Variants in CPA6 observed in about 807,000 individuals in gnomAD.
The protein encoded by CPA6 is carboxypeptidase B.
In CPA6, 58 loss-of-function variants were observed where a neutral mutation model predicts 63.3. The ratio of observed to expected loss-of-function variants is 0.92; its 90% CI spans 0.74 to 1.14. The LOEUF is 1.14. Ranked by LOEUF, CPA6 falls within the 50% of genes most tolerant of loss-of-function variation. The pLI is 0.00. For missense variants in CPA6, 565 were observed against 526.6 expected, an observed-to-expected ratio of 1.07 and a Z score of -0.71; for synonymous variants, 185 against 179.0, an observed-to-expected ratio of 1.03 and a Z score of -0.27.
At chr8:67,698,293 T>C (rs550774956) in intron 1 of CPA6, among the ~76,000 whole-genome samples, 2 of 152,278 alleles carry the variant, frequency 1.3e-5, no homozygotes, top group South Asian at 4.1e-4. Flanking sequence ...CCAGAAATGA[T>C]GATTTCATAG....
intron 2 of CPA6, among the ~76,000 whole-genome samples, chr8:67,614,585 A>G (rs1814894767): frequency 6.6e-6 from 1 of 152,192 alleles, no homozygotes; most frequent in African/African-American, 2.4e-5. Context: ...AGTTACCTTT[A>G]AGTCATTAAC....
chr8:67,727,409 T>C (rs925652844), intron 1 of CPA6, among the ~76,000 whole-genome samples: 2 of 152,112 alleles, frequency 1.3e-5, no homozygotes, highest in African/African-American at 4.8e-5. Flanking sequence ...ATCAAGAACT[T>C]TCTAACCTTC....
intron 9 of CPA6, among the ~76,000 whole-genome samples, chr8:67,429,920 T>C (rs749196534): frequency 1.3e-4 from 20 of 152,128 alleles, no homozygotes; most frequent in Admixed American, 4.6e-4. Flanking sequence ...TACTGGTGCG[T>C]GTTGACTAGG....
chr8:67,725,334 G>A (rs777433390), intron 1 of CPA6, among the ~76,000 whole-genome samples: 5 of 152,176 alleles, frequency 3.3e-5, no homozygotes, highest in Non-Finnish European at 7.4e-5. Flanking sequence ...GGACATATAG[G>A]TGCTCAATAC....
At chr8:67,573,086 A>G (rs940516966) in intron 2 of CPA6, among the ~76,000 whole-genome samples, 3 of 152,250 alleles carry the variant, frequency 2.0e-5, no homozygotes, top group Non-Finnish European at 2.9e-5. Context: ...TTCATGATAA[A>G]ACCACTCAAC....
intron 1 of CPA6, among the ~76,000 whole-genome samples, chr8:67,674,738 G>C (rs1192342381): frequency 6.6e-6 from 1 of 152,068 alleles, no homozygotes; most frequent in Non-Finnish European, 1.5e-5. Context: ...TTGTCGCAAT[G>C]CAATTTACAA....
chr8:67,512,283 C>T (rs974165754), intron 3 of CPA6, among the ~76,000 whole-genome samples: 6 of 152,198 alleles, frequency 3.9e-5, no homozygotes, highest in African/African-American at 4.8e-5. Flanking sequence ...CACATCCCTT[C>T]CATCACCAAG....
chr8:67,570,098 A>G (rs1462541827), intron 2 of CPA6: 1 of 152,324 alleles, frequency 6.6e-6, no homozygotes, highest in Non-Finnish European at 1.5e-5. Flanking sequence ...GAAAACAAGA[A>G]CTTTTTTTTT....
chr8:67,456,473 T>C (rs1810680087), intron 8 of CPA6, among the ~76,000 whole-genome samples: 1 of 152,236 alleles, frequency 6.6e-6, no homozygotes, highest in Non-Finnish European at 1.5e-5. Context: ...GTCAAACCTT[T>C]TCTGAATTAT....
chr8:67,518,855 C>A (rs981870393), intron 2 of CPA6, among the ~76,000 whole-genome samples: 11 of 152,074 alleles, frequency 7.2e-5, no homozygotes, highest in Non-Finnish European at 4.4e-5. Context: ...CCAACACATG[C>A]CTTTCTCCAA....
At chr8:67,615,637 G>A (rs1795121473) in intron 2 of CPA6, among the ~76,000 whole-genome samples, 1 of 152,212 alleles carries the variant, frequency 6.6e-6, no homozygotes, top group African/African-American at 2.4e-5. Flanking sequence ...AGTACCAGCT[G>A]AAGAGTCACT....
At chr8:67,597,922 G>A (rs945479701) in intron 2 of CPA6, among the ~76,000 whole-genome samples, 3 of 152,186 alleles carry the variant, frequency 2.0e-5, no homozygotes, top group Non-Finnish European at 4.4e-5. Context: ...GAAATAATTT[G>A]AGACCTACAA....
At position 67,439,698 on chromosome 8, in the gene CPA6, T is replaced by C. The variant is rs182002336; in HGVS notation, c.839-5458A>G. 3.2e-3 allele frequency among the ~76,000 whole-genome samples: 493 copies of C among 152,282 alleles called. 7 individuals carry two copies. Among genetic ancestry groups the C allele is most frequent in the Non-Finnish European group, 6.5e-4 (44 of 68,024 alleles). ...GAAATAAGTCTTAAAGTAACAGTGA[T>C]CATGAAGAATGCTAATAGGTGAAAC... On this transcript the variant is annotated intron_variant, in intron 8 of 10. Transcript: ENST00000297770.
intron 6 of CPA6, among the ~76,000 whole-genome samples, chr8:67,486,347 G>GTGAC (rs1395787881): frequency 6.6e-6 from 1 of 152,228 alleles, no homozygotes; most frequent in African/African-American, 2.4e-5. Flanking sequence ...AATCTGCTAT[G>GTGAC]TGACACTTGA....
chr8:67,649,153 AT>A (rs914813604), intron 1 of CPA6, among the ~76,000 whole-genome samples: 9 of 152,078 alleles, frequency 5.9e-5, no homozygotes, highest in Non-Finnish European at 7.4e-5. Context: ...AAACCTTAAT[AT>A]TTCTAAATTC....
intron 8 of CPA6, among the ~76,000 whole-genome samples, chr8:67,479,910 C>CT (rs930835740): frequency 1.3e-5 from 2 of 151,812 alleles, no homozygotes; most frequent in Non-Finnish European, 2.9e-5. Flanking sequence ...GTAATGGTTT[C>CT]TCTCTTCACT....
At chr8:67,483,692 T>C (rs1811407945) in intron 8 of CPA6, 76 bp downstream of exon 8, 1 of 1,161,482 alleles carries the variant, frequency 8.6e-7, no homozygotes, top group Admixed American at 1.7e-5. Context: ...CCCATGAGAG[T>C]CCTCTGGACT....
intron 1 of CPA6, among the ~76,000 whole-genome samples, chr8:67,651,178 T>C (rs937282357): frequency 6.6e-6 from 1 of 152,216 alleles, no homozygotes; most frequent in African/African-American, 2.4e-5. Flanking sequence ...TCCTTCAGGC[T>C]GCATTTTTTT....
intron 1 of CPA6, among the ~76,000 whole-genome samples, chr8:67,679,869 G>C (rs577924821): frequency 6.6e-6 from 1 of 152,328 alleles, no homozygotes; most frequent in South Asian, 2.1e-4. Flanking sequence ...TGTTAGTGGT[G>C]CAGCATGTTG....
Sources: allele counts gnomAD v4.1 joint callset (sites outside exome capture counted in the v4.1 genomes callset), GRCh38; gene constraint gnomAD v4.1.1; transcripts MANE v1.5; gene names NCBI Gene and HGNC (gene_info 2026-07-23, HGNC 2026-07-21).